Variants in ZNF638 observed in about 807,000 individuals in gnomAD.
ZNF638 encodes the protein zinc finger protein 638.
Under a neutral mutation model 195.6 loss-of-function variants are expected in ZNF638, and 46 were observed. The ratio of observed to expected loss-of-function variants is 0.24; its 90% CI spans 0.19 to 0.30. ZNF638 has a LOEUF of 0.30. Ranked by LOEUF, ZNF638 falls within the 10% of genes least tolerant of loss-of-function variation. The pLI is 1.00. For synonymous variants in ZNF638, 845 were observed against 772.0 expected, an observed-to-expected ratio of 1.09 and a Z score of -1.57; for missense variants, 2,440 against 2,325.3, an observed-to-expected ratio of 1.05 and a Z score of -1.01.
intron 20 of ZNF638, 57 bp from the exon 21 acceptor site, chr2:71,418,545 G>C: frequency 1.7e-6 from 2 of 1,191,772 alleles, no homozygotes; most frequent in Non-Finnish European, 2.3e-6. Context: ...TGCTTTTATA[G>C]TTAAATATTT....
chr2:71,393,646 G>T (rs909568309), intron 10 of ZNF638: 2 of 717,660 alleles, frequency 2.8e-6, no homozygotes, highest in East Asian at 2.7e-5. Context: ...GCTCTCTGGT[G>T]TAAGTTACAA....
At chr2:71,399,667 TC>T (rs1438549800) in intron 13 of ZNF638, 22 bp downstream of exon 13, 2 of 1,571,728 alleles carry the variant, frequency 1.3e-6, no homozygotes, top group Non-Finnish European at 1.7e-6. Flanking sequence ...ATGTGGTCAT[TC>T]AGTGCTTTGT....
At chr2:71,410,983 T>TCCCC (rs34472889) in intron 20 of ZNF638, among the ~76,000 whole-genome samples, 1 of 48,180 alleles carries the variant, frequency 2.1e-5, no homozygotes, top group Non-Finnish European at 3.4e-5. Flanking sequence ...ACCCACCACC[T>TCCCC]CCCCCCCCCT....
At chr2:71,386,050 A>G (rs555633199) in intron 10 of ZNF638, among the ~76,000 whole-genome samples, 1 of 152,312 alleles carries the variant, frequency 6.6e-6, no homozygotes, top group South Asian at 2.1e-4. Context: ...CTTTCCATAA[A>G]TACTGAAAGG....
chr2:71,434,366 T>C (rs1310864432), intron 27 of ZNF638, among the ~76,000 whole-genome samples: 1 of 152,238 alleles, frequency 6.6e-6, no homozygotes, highest in Non-Finnish European at 1.5e-5. Flanking sequence ...AAGACCTAGC[T>C]AAGTAGAACC....
In ZNF638 at chr2:71,364,725, G is replaced by A. The variant is rs553295573; in HGVS notation, c.1717+473G>A. ...GACTAGCCTGAAAAATTCAAAAATA[G>A]TACTTTGCACAGGTCTTATTGTGTC... On this transcript the variant is annotated intron_variant, in intron 5 of 27. Transcript: ENST00000264447. 3.0e-3 allele frequency among the ~76,000 whole-genome samples: 457 copies of A among 152,280 alleles called. 2 individuals carry two copies. Among genetic ancestry groups the A allele is most frequent in the African/African-American group, 0.011 (441 of 41,560 alleles).
chr2:71,383,781 T>A (rs971925024), intron 10 of ZNF638, among the ~76,000 whole-genome samples: 1 of 108,112 alleles, frequency 9.2e-6, no homozygotes, highest in South Asian at 3.1e-4. Context: ...TTTTTTTTTT[T>A]AGTAGAGATG....
At chr2:71,351,122 G>A (rs1304690284) in intron 2 of ZNF638, among the ~76,000 whole-genome samples, 1 of 152,088 alleles carries the variant, frequency 6.6e-6, no homozygotes, top group Non-Finnish European at 1.5e-5. Flanking sequence ...GATTGTAAAG[G>A]GTCAGAAGAG....
At chr2:71,393,996 A>C (rs1160094073) in intron 10 of ZNF638, among the ~76,000 whole-genome samples, 1 of 152,196 alleles carries the variant, frequency 6.6e-6, no homozygotes, top group Non-Finnish European at 1.5e-5. Context: ...AGTAGCCTCA[A>C]ACCGGGCAAG....
At chr2:71,381,889 C>T (rs2079540507) in intron 10 of ZNF638, among the ~76,000 whole-genome samples, 1 of 151,998 alleles carries the variant, frequency 6.6e-6, no homozygotes, top group African/African-American at 2.4e-5. Context: ...GAATATGGAG[C>T]CACTCACTAA....
intron 10 of ZNF638, chr2:71,395,809 G>T: frequency 2.4e-6 from 1 of 419,690 alleles, no homozygotes; most frequent in Non-Finnish European, 4.4e-6. Flanking sequence ...CTGCAGGTCA[G>T]ACTTGGCAGG....
intron 23 of ZNF638, among the ~76,000 whole-genome samples, chr2:71,425,153 G>A (rs1247456556): frequency 6.6e-6 from 1 of 152,058 alleles, no homozygotes; most frequent in African/African-American, 2.4e-5. Flanking sequence ...AACTTTACTG[G>A]TACCAAGTTC....
At chr2:71,369,279 C>T (rs775703473) in intron 7 of ZNF638, among the ~76,000 whole-genome samples, 12 of 147,630 alleles carry the variant, frequency 8.1e-5, no homozygotes, top group Admixed American at 4.1e-4. Context: ...CTAGAGATGG[C>T]GCCGCTGCAC....
In ZNF638 at chr2:71,435,011, A is replaced by G; in HGVS notation, c.*204A>G. On this transcript the variant is annotated 3_prime_UTR_variant, in exon 28 of 28. Coordinates refer to ENST00000264447, the MANE Select transcript of ZNF638 (RefSeq NM_014497.5). Reference sequence around the variant, plus strand: ...ATCAAATCATCAGGCATGGAGAAATATCTTTTAGAAGTGTTAAAATAAATG... The same window carrying G: ...ATCAAATCATCAGGCATGGAGAAATGTCTTTTAGAAGTGTTAAAATAAATG... The G allele has an allele frequency of 2.1e-6, 1 of 474,086 alleles. No individual in the cohort carries two copies. Among genetic ancestry groups the G allele is most frequent in the Non-Finnish European group, 3.8e-6 (1 of 261,828 alleles). The allele number at this position is 474,086 out of a possible 1,614,324, so 29.4% of individuals were successfully genotyped here. A position where few individuals can be genotyped will look rare whatever the true frequency, so the allele number is the denominator to read the frequency against.
intron 6 of ZNF638, among the ~76,000 whole-genome samples, chr2:71,367,234 A>C (rs192688642): frequency 6.7e-6 from 1 of 150,274 alleles, no homozygotes; most frequent in East Asian, 1.9e-4. Flanking sequence ...TGGCAGTGGA[A>C]CTTTTTTTTT....
chr2:71,363,382 T>C (rs1003304434), intron 4 of ZNF638, among the ~76,000 whole-genome samples, 191 bp downstream of exon 4: 1 of 152,112 alleles, frequency 6.6e-6, no homozygotes, highest in African/African-American at 2.4e-5. Context: ...CTACTTTCTT[T>C]AGCCTGTTCT....
intron 21 of ZNF638, among the ~76,000 whole-genome samples, chr2:71,419,225 C>G (rs114010727): frequency 6.8e-4 from 104 of 152,318 alleles, no homozygotes; most frequent in African/African-American, 2.5e-3. Flanking sequence ...CTTTCTCATT[C>G]TGATGGATAT....
At chr2:71,419,464 CAG>C (rs1245447906) in intron 21 of ZNF638, among the ~76,000 whole-genome samples, 8 of 152,160 alleles carry the variant, frequency 5.3e-5, no homozygotes, top group African/African-American at 1.4e-4. Context: ...CCCTGAAAAA[CAG>C]AACGTCTTAG....
chr2:71,350,484 C>A (rs1448995398), intron 2 of ZNF638, among the ~76,000 whole-genome samples: 1 of 152,162 alleles, frequency 6.6e-6, no homozygotes, highest in Non-Finnish European at 1.5e-5. Context: ...ACCGGGCACA[C>A]CATATTTTAG....
Sources: allele counts gnomAD v4.1 joint callset (sites outside exome capture counted in the v4.1 genomes callset), GRCh38; gene constraint gnomAD v4.1.1; transcripts MANE v1.5; gene names NCBI Gene and HGNC (gene_info 2026-07-23, HGNC 2026-07-21).